The following KLHL10 variants were observed in gnomAD, a reference collection of about 807,000 sequenced individuals.
KLHL10 encodes kelch-like protein 10.
KLHL10 carries 11 observed loss-of-function variants against 46.6 expected under a neutral mutation model. That is an observed-to-expected ratio of 0.24 (90% confidence interval 0.15 to 0.39). The LOEUF is 0.39. Among genes scored for constraint, KLHL10 ranks in the 10% least tolerant of loss-of-function variants. The probability of loss-of-function intolerance (pLI) is 1.00; values close to 1 mark genes in which losing one functional copy is unlikely to be tolerated. For synonymous variants in KLHL10, 254 were observed against 279.1 expected (o/e 0.91, Z 0.90); for missense variants, 475 against 789.8 (o/e 0.60, Z 4.78).
intron 2 of KLHL10, among the ~76,000 whole-genome samples, chr17:41,842,714 G>C (rs2048239126): frequency 6.6e-6 from 1 of 152,112 alleles, no homozygotes; most frequent in African/African-American, 2.4e-5. Flanking sequence ...AAGATGGGCG[G>C]ATTACCTGAG....
upstream of KLHL10, chr17:41,837,541 G>T: frequency 9.6e-7 from 1 of 1,037,856 alleles, no homozygotes; most frequent in Non-Finnish European, 1.2e-6. Context: ...GCCAAGTGTT[G>T]GGCTGTGGAA....
intron 1 of KLHL10, among the ~76,000 whole-genome samples, chr17:41,838,642 T>TTTG (rs1218777299): frequency 1.5e-4 from 15 of 97,732 alleles, no homozygotes; most frequent in East Asian, 3.5e-4. Flanking sequence ...TCTTTTTTTT[T>TTTG]TTTGTTTGTT....
chr17:41,839,837 C>G (rs1023718989), intron 1 of KLHL10, among the ~76,000 whole-genome samples: 1 of 152,074 alleles, frequency 6.6e-6, no homozygotes, highest in African/African-American at 2.4e-5. Context: ...CTCAGCCTCC[C>G]GAATATCTGG....
At chr17:41,841,773 T>C in intron 1 of KLHL10, 50 bp from the exon 2 acceptor site, 1 of 1,613,296 alleles carries the variant, frequency 6.2e-7, no homozygotes. Flanking sequence ...TGTACTCACC[T>C]AACAGGAGAG....
In KLHL10 at chr17:41,847,934, T is replaced by C. The variant is rs1555621647; in HGVS notation, c.1454T>C (p.Val485Ala). 6.2e-7 allele frequency: 1 copy of C among 1,613,992 alleles called. No individual in the cohort carries two copies. Among genetic ancestry groups the C allele is most frequent in the Admixed American group, 1.7e-5 (1 of 60,008 alleles). ...VIAYGEHVYA[V>A]GGFDGANRLR... is the part of the protein sequence containing the mutation. The stretch of plus-strand genomic sequence containing the variant: ...CCGTGTTTCTTTTGCTATCCACAGG[T>C]AGGTGGCTTTGATGGAGCTAATCGA... Residue 485 changes from valine (V) to alanine (A), a missense_variant and splice_region_variant, in exon 5 of 5, where the codon GTA becomes GCA. Transcript: ENST00000293303.
intron 3 of KLHL10, among the ~76,000 whole-genome samples, chr17:41,846,017 C>T (rs1451452930): frequency 6.6e-6 from 1 of 152,000 alleles, no homozygotes; most frequent in Non-Finnish European, 1.5e-5. Context: ...CAAGACCAGC[C>T]TGGCCAACAT....
upstream of KLHL10, chr17:41,836,346 GC>G: frequency 8.2e-7 from 1 of 1,222,638 alleles, no homozygotes; most frequent in Non-Finnish European, 1.0e-6. Context: ...CCCGGAGATG[GC>G]CGCGATCCGG....
At chr17:41,841,737 AC>A in intron 1 of KLHL10, 85 bp from the exon 2 acceptor site, 1 of 1,522,910 alleles carries the variant, frequency 6.6e-7, no homozygotes, top group Non-Finnish European at 9.1e-7. Context: ...ACATGCCTGC[AC>A]CCCACTTTCT....
chr17:41,842,939 A>C (rs577670948), intron 2 of KLHL10, among the ~76,000 whole-genome samples: 52 of 151,426 alleles, frequency 3.4e-4, no homozygotes, highest in Non-Finnish European at 5.7e-4. Flanking sequence ...TCCATCTCAA[A>C]AAAAAAAAGA....
In KLHL10 at chr17:41,842,000, C is replaced by A. The variant is rs544035963; in HGVS notation, c.372C>A (p.Ile124=). ...AAADQFNIMG[I]VRGCCEFLKS... Reference sequence around the variant, plus strand: ...CAGACCAGTTTAACATCATGGGTATCGTCAGGGGTTGCTGCGAGTTCCTCA... The same window carrying A: ...CAGACCAGTTTAACATCATGGGTATAGTCAGGGGTTGCTGCGAGTTCCTCA... Residue 124 remains isoleucine, a synonymous_variant, in exon 2 of 5, where the codon ATC becomes ATA. Coordinates refer to ENST00000293303, the MANE Select transcript of KLHL10 (RefSeq NM_152467.5). The A allele has an allele frequency of 9.3e-6, 15 of 1,614,000 alleles. No individual in the cohort carries two copies. In the East Asian group the frequency reaches 3.1e-4, roughly 34 times the overall value.
chr17:41,847,375 A>G lies in KLHL10; in HGVS notation c.1417A>G (p.Ile473Val). 1 of 1,614,164 alleles carries G rather than the reference A, an allele frequency of 6.2e-7. No homozygotes were observed. The highest frequency in any genetic ancestry group is 8.5e-7 in the Non-Finnish European group (1 of 1,180,010). ...IAPMRSRRSG[I>V]GVIAYGEHVY... ...ACCCATGAGAAGCAGGAGGAGTGGA[A>G]TAGGCGTGATTGCTTATGGAGAACA... Residue 473 changes from isoleucine (I) to valine (V), a missense_variant, in exon 4 of 5, where the codon ATA becomes GTA. Transcript: ENST00000293303.
chr17:41,841,881 A>C lies in KLHL10; in HGVS notation c.253A>C (p.Ile85Leu), dbSNP rs782038542. The change falls in exon 2 of 5, where the codon ATT becomes CTT. Residue 85 changes from isoleucine to leucine, a missense_variant. By Grantham distance (5) the Ile-to-Leu change is conservative. Transcript: ENST00000293303. ...AAAGAAGGTATACAACATCCCTGGC[A>C]TTTCTCCCGACATGATGAAGCTAAT... ...TEKKVYNIPG[I>L]SPDMMKLIIE... is the part of the protein sequence containing the mutation. The C allele has an allele frequency of 3.1e-6, 5 of 1,614,132 alleles. No individual in the cohort carries two copies. The South Asian group carries it at 5.5e-5, about 18-fold the overall frequency.
intron 4 of KLHL10, 49 bp from the exon 5 acceptor site, chr17:41,847,884 A>G: frequency 6.2e-7 from 1 of 1,612,118 alleles, no homozygotes; most frequent in Non-Finnish European, 8.5e-7. Flanking sequence ...TTCCTCAGTG[A>G]ACAGAATCAA....
chr17:41,847,241 T>C lies in KLHL10; in HGVS notation c.1303-20T>C. 1 of 1,613,094 alleles carries C rather than the reference T, an allele frequency of 6.2e-7. No individual in the cohort carries two copies. The highest frequency in any genetic ancestry group is 8.5e-7 in the Non-Finnish European group (1 of 1,179,086). ...CTCCCTAGAGTGGGAATTTTAATAA[T>C]CTTGGAACTCTTCACACAGGTCTAC... On this transcript the variant is annotated intron_variant, in intron 3 of 4. Coordinates refer to ENST00000293303, the MANE Select transcript of KLHL10 (RefSeq NM_152467.5).
upstream of KLHL10, chr17:41,836,348 C>A: frequency 4.1e-6 from 5 of 1,222,538 alleles, no homozygotes; most frequent in Middle Eastern, 3.1e-4. Flanking sequence ...CGGAGATGGC[C>A]GCGATCCGGG....
chr17:41,836,589 G>A (rs2048163650), upstream of KLHL10: 2 of 318,246 alleles, frequency 6.3e-6, no homozygotes, highest in South Asian at 1.3e-4. Context: ...TTGGGAGGCC[G>A]AGGCAGGATG....
Position 41,842,294 on chromosome 17 carries a change from T to A in KLHL10, c.666T>A (p.Ile222=). Residue 222 remains isoleucine (I), a synonymous_variant, in exon 2 of 5, where the codon ATT becomes ATA. Coordinates refer to ENST00000293303, the MANE Select transcript of KLHL10 (RefSeq NM_152467.5). ...SHDPQNRKQH[I]SILLPKVRLA... ...ACCCCCAAAATAGAAAGCAGCACAT[T>A]TCAATTTTGCTTCCTAAGGTCAGTG... is the stretch of plus-strand genomic sequence containing the variant. The A allele has an allele frequency of 2.5e-6, 4 of 1,614,064 alleles. No homozygotes were observed. The highest frequency in any genetic ancestry group is 3.4e-6 in the Non-Finnish European group (4 of 1,180,044).
Position 41,845,330 on chromosome 17 carries a change from G to A in KLHL10, c.889G>A (p.Gly297Ser), listed in dbSNP as rs782315597. 20 of 1,614,054 alleles carry A rather than the reference G, an allele frequency of 1.2e-5. No individual in the cohort carries two copies. The highest frequency in any genetic ancestry group is 1.5e-5 in the Non-Finnish European group (18 of 1,180,038). Residue 297 changes from glycine (G) to serine (S), a missense_variant, in exon 3 of 5, where the codon GGT (glycine) becomes AGT (serine). By Grantham distance (56) the Gly-to-Ser change is moderately conservative (BLOSUM62 0). Coordinates refer to ENST00000293303, the MANE Select transcript of KLHL10 (RefSeq NM_152467.5). ...GCCCTATGCCATCCTCTTTGCAATT[G>A]GTGGCTGGAGTGGTGGGAGCCCCAC... Reference protein sequence around the residue: ...RLPYAILFAIGGWSGGSPTNA... With the variant: ...RLPYAILFAISGWSGGSPTNA...
At chr17:41,837,817 T>C (rs928398710), upstream of KLHL10, 24 of 1,555,934 alleles carry the variant, frequency 1.5e-5, no homozygotes, top group African/African-American at 2.9e-4. Context: ...GGTTGCCTGA[T>C]AGACCCTATA....
Sources: allele counts gnomAD v4.1 joint callset (sites outside exome capture counted in the v4.1 genomes callset), GRCh38; gene constraint gnomAD v4.1.1; transcripts MANE v1.5; gene names NCBI Gene and HGNC (gene_info 2026-07-23, HGNC 2026-07-21).